CDH13: variants seen among roughly 807,000 people sequenced by gnomAD.
CDH13 encodes the protein cadherin 13, also known as cadherin-13.
CDH13 carries 24 observed loss-of-function variants against 63.8 expected under a neutral mutation model. The observed-to-expected ratio is 0.38, with a 90% CI of 0.27 to 0.53. CDH13 has a LOEUF of 0.53. Ranked by LOEUF, CDH13 falls within the 20% of genes least tolerant of loss-of-function variation. CDH13 has a pLI of 0.85. For missense variants in CDH13, 1,049 were observed against 903.1 expected (o/e 1.16, Z -2.07); for synonymous variants, 503 against 355.3 (o/e 1.42, Z -4.67).
intron 1 of CDH13, among the ~76,000 whole-genome samples, chr16:82,671,305 A>C (rs962696359): frequency 6.6e-6 from 1 of 152,220 alleles, no homozygotes; most frequent in Non-Finnish European, 1.5e-5. Context: ...TTTGGGATGT[A>C]AGACACTGAT....
At chr16:82,645,570 A>G (rs1909994205) in intron 1 of CDH13, among the ~76,000 whole-genome samples, 1 of 152,098 alleles carries the variant, frequency 6.6e-6, no homozygotes, top group African/African-American at 2.4e-5. Flanking sequence ...CCACCACAAA[A>G]GGTTATCCTG....
intron 7 of CDH13, among the ~76,000 whole-genome samples, chr16:83,559,829 A>T (rs985827544): frequency 5.2e-4 from 79 of 152,254 alleles, no homozygotes; most frequent in African/African-American, 1.9e-3. Flanking sequence ...GTCTTTTTGA[A>T]ACTTGGTGCT....
chr16:82,715,441 C>T (rs549198379), intron 1 of CDH13, among the ~76,000 whole-genome samples: 1 of 152,204 alleles, frequency 6.6e-6, no homozygotes, highest in Non-Finnish European at 1.5e-5. Flanking sequence ...GTAGGTTCTG[C>T]TTTATTGATC....
intron 1 of CDH13, among the ~76,000 whole-genome samples, chr16:82,671,541 A>G (rs1254913280): frequency 1.3e-5 from 2 of 152,244 alleles, no homozygotes; most frequent in Admixed American, 6.5e-5. Flanking sequence ...AAGCAGATCA[A>G]TTTTTAAAAC....
chr16:82,844,458 G>A (rs111713199), intron 1 of CDH13: 35,719 of 150,522 alleles, frequency 0.24, 5,085 homozygotes, highest in Non-Finnish European at 0.33. Flanking sequence ...AAAATTAGCC[G>A]GGCGTGGTGG....
At chr16:83,077,995 A>C (rs1456078799) in intron 3 of CDH13, among the ~76,000 whole-genome samples, 1 of 151,460 alleles carries the variant, frequency 6.6e-6, no homozygotes, top group Non-Finnish European at 1.5e-5. Context: ...CTGTTCCTTA[A>C]AGGAACATTT....
chr16:83,511,774 T>C (rs2074572142), intron 7 of CDH13, among the ~76,000 whole-genome samples: 1 of 152,162 alleles, frequency 6.6e-6, no homozygotes, highest in Admixed American at 6.5e-5. Context: ...GTAGGATCCT[T>C]AGAATGCTTA....
intron 10 of CDH13, among the ~76,000 whole-genome samples, chr16:83,738,230 T>C (rs1911719663): frequency 6.6e-6 from 1 of 152,208 alleles, no homozygotes. Context: ...CTGGAGGGAA[T>C]ACACTGCTGT....
chr16:82,984,021 C>T (rs1333343372), intron 2 of CDH13, among the ~76,000 whole-genome samples: 1 of 152,174 alleles, frequency 6.6e-6, no homozygotes, highest in East Asian at 1.9e-4. Flanking sequence ...GACTGGGAAG[C>T]CCACAAGACC....
intron 6 of CDH13, among the ~76,000 whole-genome samples, chr16:83,460,472 C>T (rs1201341682): frequency 6.6e-6 from 1 of 152,204 alleles, no homozygotes; most frequent in East Asian, 1.9e-4. Flanking sequence ...AAATGGCCTA[C>T]ATGCTCATTG....
chr16:83,719,676 T>A (rs1909423071), intron 10 of CDH13, among the ~76,000 whole-genome samples: 1 of 152,154 alleles, frequency 6.6e-6, no homozygotes, highest in African/African-American at 2.4e-5. Flanking sequence ...GTATGCACGG[T>A]TACTTCCATT....
At chr16:82,846,172 G>C (rs1282032582) in intron 1 of CDH13, among the ~76,000 whole-genome samples, 2 of 152,182 alleles carry the variant, frequency 1.3e-5, no homozygotes, top group Admixed American at 6.5e-5. Flanking sequence ...TCTGCGTGGA[G>C]CCTTTGTTCT....
At position 82,801,537 on chromosome 16, in the gene CDH13, CA is replaced by C. The variant is rs562981766; in HGVS notation, c.46-56822del. 2.8e-4 allele frequency among the ~76,000 whole-genome samples: 42 copies of C among 152,298 alleles called. 2 individuals carry two copies. The South Asian group carries it at 8.7e-3, about 32-fold the overall frequency. On this transcript the variant is annotated intron_variant, in intron 1 of 13. Coordinates refer to ENST00000567109, the MANE Select transcript of CDH13 (RefSeq NM_001257.5). ...GCCCTTGCTCACAGATGTGAAGCCA[CA>C]AACGGCAGCTAGGGTCAAGAACAGC...
intron 3 of CDH13, among the ~76,000 whole-genome samples, chr16:83,032,931 T>C (rs1457592412): frequency 2.0e-5 from 3 of 152,176 alleles, no homozygotes; most frequent in African/African-American, 4.8e-5. Context: ...TGGTGCTGCA[T>C]ATTGTGCTGT....
At chr16:83,185,443 T>A (rs1251444111) in intron 4 of CDH13, among the ~76,000 whole-genome samples, 3 of 152,202 alleles carry the variant, frequency 2.0e-5, no homozygotes, top group Non-Finnish European at 4.4e-5. Flanking sequence ...TTAAAAAAAA[T>A]TGAGACAAAT....
intron 7 of CDH13, among the ~76,000 whole-genome samples, chr16:83,535,943 G>A (rs2075176924): frequency 1.2e-5 from 1 of 81,604 alleles, no homozygotes; most frequent in South Asian, 4.5e-4. Flanking sequence ...AGGAAAGGAA[G>A]GAAGGAAGGA....
chr16:83,004,359 A>G (rs967253836), intron 2 of CDH13, among the ~76,000 whole-genome samples: 4 of 152,334 alleles, frequency 2.6e-5, no homozygotes, highest in East Asian at 3.9e-4. Context: ...ATCAGTTAGG[A>G]TATTGGCTAA....
intron 6 of CDH13, among the ~76,000 whole-genome samples, chr16:83,424,130 G>A (rs2071810095): frequency 6.6e-6 from 1 of 151,876 alleles, no homozygotes; most frequent in Admixed American, 6.5e-5. Context: ...GAACAGTCTA[G>A]AAGAGGGAAA....
chr16:83,165,068 T>G, intron 4 of CDH13, among the ~76,000 whole-genome samples: 3 of 136,944 alleles, frequency 2.2e-5, no homozygotes, highest in South Asian at 2.3e-4. Flanking sequence ...GTGTGGGAGA[T>G]GAGTAGAAGC....
Sources: gnomAD v4.1 joint callset for allele counts (sites outside exome capture counted in the v4.1 genomes callset) on GRCh38, gnomAD v4.1.1 for gene constraint, MANE v1.5 for transcripts, NCBI Gene and HGNC (gene_info 2026-07-23, HGNC 2026-07-21) for gene names.